The following UBE2N variants were observed in gnomAD, a reference collection of about 807,000 sequenced individuals.
UBE2N encodes ubiquitin conjugating enzyme E2 N, also known as ubiquitin-conjugating enzyme E2 N.
For synonymous variants in UBE2N, 70 were observed against 69.2 expected (o/e 1.01, Z -0.06); for missense variants, 60 against 192.1 (o/e 0.31, Z 4.07).
intron 1 of UBE2N, among the ~76,000 whole-genome samples, chr12:93,422,594 T>C (rs796753336): frequency 6.6e-5 from 10 of 152,274 alleles, no homozygotes; most frequent in African/African-American, 2.4e-4. Context: ...TGAATTAAAA[T>C]TAGGGAAATT....
intron 1 of UBE2N, 97 bp downstream of exon 1, chr12:93,441,758 G>A (rs550154405): frequency 5.6e-5 from 85 of 1,512,666 alleles, no homozygotes; most frequent in Non-Finnish European, 1.3e-5. Flanking sequence ...GCCTCCCAGA[G>A]CGGGCCGCGG....
Position 93,408,898 on chromosome 12 carries a change from T to A in UBE2N, c.*1141A>T, listed in dbSNP as rs1367584684. 1 of 152,576 alleles carries A rather than the reference T, an allele frequency of 6.6e-6. No homozygotes were observed. The highest frequency in any genetic ancestry group is 1.5e-5 in the Non-Finnish European group (1 of 68,026). 9.5% of individuals were successfully genotyped at this position (152,576 alleles called of 1,614,324 possible). A position where few individuals can be genotyped will look rare whatever the true frequency, so the allele number is the denominator to read the frequency against. ...AGTGTTTCTTAACACACATGAAAGG[T>A]TACAGATGAAATTTTCAGATAAGAA... On this transcript the variant is annotated 3_prime_UTR_variant, in exon 4 of 4. Coordinates refer to ENST00000318066, the MANE Select transcript of UBE2N (RefSeq NM_003348.4).
At chr12:93,417,196 GC>G (rs1360109261) in intron 1 of UBE2N, among the ~76,000 whole-genome samples, 1 of 152,154 alleles carries the variant, frequency 6.6e-6, no homozygotes, top group African/African-American at 2.4e-5. Context: ...AATAGTTAAT[GC>G]TACAAATATT....
rs973673278 is a variant in UBE2N, at chr12:93,410,673, T to C, written c.418+61A>G. The C allele has an allele frequency of 3.1e-6, 5 of 1,600,466 alleles. No individual in the cohort carries two copies. In the African/African-American group the frequency reaches 6.7e-5, roughly 22 times the overall value. ...CCTTGCCAAGAGCTTTAGAAAAGTT[T>C]AAGTGGTAATACAAATTTGTAAAAG... On this transcript the variant is annotated intron_variant, in intron 3 of 3. Transcript: ENST00000318066.
Position 93,406,790 on chromosome 12 carries a change from G to C in UBE2N, c.*3249C>G, listed in dbSNP as rs117777833. 0.022 allele frequency: 3,401 copies of C among 152,220 alleles called. 68 individuals carry two copies. Among genetic ancestry groups the C allele is most frequent in the Admixed American group, 0.04 (606 of 15,280 alleles). 9.4% of individuals were successfully genotyped at this position (152,220 alleles called of 1,614,324 possible). ...CAACATCATTTTATTCCAGAGACTT[G>C]AGCATCTGCGAATTTGGATATCCAA... is the stretch of plus-strand genomic sequence containing the variant. On this transcript the variant is annotated 3_prime_UTR_variant, in exon 4 of 4. Coordinates refer to ENST00000318066, the MANE Select transcript of UBE2N (RefSeq NM_003348.4).
chr12:93,407,378 C>T lies in UBE2N; in HGVS notation c.*2661G>A, dbSNP rs1877878384. On this transcript the variant is annotated 3_prime_UTR_variant, in exon 4 of 4. Coordinates refer to ENST00000318066, the MANE Select transcript of UBE2N (RefSeq NM_003348.4). ...AAAGCCCCATGCCATTCACTCACCACCTAATCATCCCCAACAACTAGTGGG... is the reference window on the plus strand; with the variant it reads ...AAAGCCCCATGCCATTCACTCACCATCTAATCATCCCCAACAACTAGTGGG... 1 of 152,242 alleles carries T rather than the reference C, an allele frequency of 6.6e-6. No individual in the cohort carries two copies. Among genetic ancestry groups the T allele is most frequent in the Non-Finnish European group, 1.5e-5 (1 of 68,060 alleles). The allele number at this position is 152,242 out of a possible 1,614,324, so 9.4% of individuals were successfully genotyped here.
chr12:93,412,468 T>C lies in UBE2N; in HGVS notation c.31-1169A>G, dbSNP rs544580184. Among the ~76,000 whole-genome samples the C allele has an allele frequency of 1.5e-4, 23 of 152,386 alleles. 1 individual carries two copies. Among genetic ancestry groups the C allele is most frequent in the Middle Eastern group, 3.4e-3 (1 of 294 alleles). On this transcript the variant is annotated intron_variant, in intron 1 of 3. Coordinates refer to ENST00000318066, the MANE Select transcript of UBE2N (RefSeq NM_003348.4). ...TAGATCTTACTGATCTCTGAAATGT[T>C]TGTTCTTCGGTACCATAAAGAAATA...
chr12:93,420,470 T>C (rs7309933), intron 1 of UBE2N, among the ~76,000 whole-genome samples: 14,985 of 152,248 alleles, frequency 0.098, 921 homozygotes, highest in Middle Eastern at 0.17. Context: ...AGTTTCTCCC[T>C]TGTACTTCCA....
chr12:93,412,408 C>T (rs536299045), intron 1 of UBE2N, among the ~76,000 whole-genome samples: 9 of 152,340 alleles, frequency 5.9e-5, no homozygotes, highest in African/African-American at 1.2e-4. Context: ...TGAAATGTCA[C>T]GTACTCTTGG....
chr12:93,432,013 C>T (rs1878786010), intron 1 of UBE2N, among the ~76,000 whole-genome samples: 1 of 152,144 alleles, frequency 6.6e-6, no homozygotes, highest in Non-Finnish European at 1.5e-5. Flanking sequence ...GCGGGCGGAT[C>T]ACGAGGTCAG....
At chr12:93,412,816 G>A (rs1878069325) in intron 1 of UBE2N, among the ~76,000 whole-genome samples, 1 of 152,224 alleles carries the variant, frequency 6.6e-6, no homozygotes, top group Non-Finnish European at 1.5e-5. Context: ...AACAGGCTAT[G>A]ACCTAATGCT....
chr12:93,408,866 T>C lies in UBE2N; in HGVS notation c.*1173A>G, dbSNP rs896552636. 6.5e-6 allele frequency: 1 copy of C among 152,700 alleles called. No individual in the cohort carries two copies. Among genetic ancestry groups the C allele is most frequent in the African/African-American group, 2.4e-5 (1 of 41,548 alleles). The allele number at this position is 152,700 out of a possible 1,614,324, so 9.5% of individuals were successfully genotyped here. A position where few individuals can be genotyped will look rare whatever the true frequency, so the allele number is the denominator to read the frequency against. ...AAATGCCTCAGCAAATCCCAAATGA[T>C]CAGATCAGTGTTTCTTAACACACAT... is the stretch of plus-strand genomic sequence containing the variant. On this transcript the variant is annotated 3_prime_UTR_variant, in exon 4 of 4. Transcript: ENST00000318066.
rs201000203 is a variant in UBE2N at position 93,441,810 on chromosome 12, C to G, written c.30+45G>C. On this transcript the variant is annotated intron_variant, in intron 1 of 3. Transcript: ENST00000318066. Reference sequence around the variant, plus strand: ...GGCCGCGCTGCCTGCCCAGCTGAGCCGACGAGAGCAGAGCGAAGAGCTGGA... The same window carrying G: ...GGCCGCGCTGCCTGCCCAGCTGAGCGGACGAGAGCAGAGCGAAGAGCTGGA... The G allele has an allele frequency of 2.5e-6, 4 of 1,574,504 alleles. No individual in the cohort carries two copies. The African/African-American group carries it at 5.6e-5, about 22-fold the overall frequency.
At chr12:93,433,543 C>CA (rs1408887256) in intron 1 of UBE2N, among the ~76,000 whole-genome samples, 1 of 152,158 alleles carries the variant, frequency 6.6e-6, no homozygotes, top group African/African-American at 2.4e-5. Flanking sequence ...TCTAATGAAA[C>CA]AACAGTCCAA....
At chr12:93,420,848 C>G (rs1878386407) in intron 1 of UBE2N, among the ~76,000 whole-genome samples, 1 of 152,022 alleles carries the variant, frequency 6.6e-6, no homozygotes, top group African/African-American at 2.4e-5. Flanking sequence ...CTCCCCAATT[C>G]TTCTGCCCAC....
chr12:93,435,056 T>C (rs960389067), intron 1 of UBE2N, among the ~76,000 whole-genome samples: 1 of 152,136 alleles, frequency 6.6e-6, no homozygotes, highest in Non-Finnish European at 1.5e-5. Flanking sequence ...TGAACCACCA[T>C]ACCTGGCTAA....
At chr12:93,429,731 G>C (rs1241062607) in intron 1 of UBE2N, among the ~76,000 whole-genome samples, 1 of 151,884 alleles carries the variant, frequency 6.6e-6, no homozygotes, top group Non-Finnish European at 1.5e-5. Context: ...TGCTGATCCT[G>C]AATAGGCCTA....
At chr12:93,430,752 A>G (rs1209127294) in intron 1 of UBE2N, among the ~76,000 whole-genome samples, 1 of 148,894 alleles carries the variant, frequency 6.7e-6, no homozygotes, top group East Asian at 1.9e-4. Context: ...GTCTCTATGT[A>G]ATATATATTA....
intron 1 of UBE2N, among the ~76,000 whole-genome samples, chr12:93,434,893 T>C (rs1301331121): frequency 1.3e-5 from 2 of 151,482 alleles, no homozygotes; most frequent in African/African-American, 4.9e-5. Flanking sequence ...TGAGTTTGTA[T>C]TTATTTATTT....
Sources: allele counts gnomAD v4.1 joint callset (sites outside exome capture counted in the v4.1 genomes callset), GRCh38; gene constraint gnomAD v4.1.1; transcripts MANE v1.5; gene names NCBI Gene and HGNC (gene_info 2026-07-23, HGNC 2026-07-21).